The following ESRRG variants were observed in gnomAD, a reference collection of about 807,000 sequenced individuals.
ESRRG encodes estrogen-related receptor gamma.
Under a neutral mutation model 44.0 loss-of-function variants are expected in ESRRG, and 13 were observed. The observed-to-expected ratio is 0.30, with a 90% CI of 0.19 to 0.47. The LOEUF is 0.47. Among genes scored for constraint, ESRRG ranks in the 20% least tolerant of loss-of-function variants. The probability of loss-of-function intolerance (pLI) is 1.00; values close to 1 mark genes in which losing one functional copy is unlikely to be tolerated. For synonymous variants in ESRRG, 215 were observed against 214.6 expected, an observed-to-expected ratio of 1.00 and a Z score of -0.02; for missense variants, 395 against 580.6, an observed-to-expected ratio of 0.68 and a Z score of 3.29.
intron 1 of ESRRG, among the ~76,000 whole-genome samples, chr1:216,975,319 G>C (rs1278910410): frequency 2.0e-5 from 3 of 152,238 alleles, no homozygotes; most frequent in South Asian, 2.1e-4. Context: ...CAATGATCTG[G>C]TCAGATCAAG....
intron 1 of ESRRG, among the ~76,000 whole-genome samples, chr1:217,041,031 C>T (rs778638558): frequency 1.6e-4 from 25 of 152,200 alleles, no homozygotes; most frequent in Non-Finnish European, 2.6e-4. Flanking sequence ...GAACCCTCAA[C>T]AGCTCAGATA....
chr1:216,596,141 C>G (rs2058400122), intron 3 of ESRRG, among the ~76,000 whole-genome samples: 1 of 152,174 alleles, frequency 6.6e-6, no homozygotes, highest in South Asian at 2.1e-4. Flanking sequence ...GATCACTGCT[C>G]TAGTTTTCCC....
chr1:217,073,189 T>G (rs1397478426), intron 1 of ESRRG, among the ~76,000 whole-genome samples: 1 of 120,838 alleles, frequency 8.3e-6, no homozygotes, highest in Non-Finnish European at 1.7e-5. Flanking sequence ...TCTTCATTCC[T>G]TTCTGGACAA....
intron 1 of ESRRG, among the ~76,000 whole-genome samples, chr1:216,712,298 C>T (rs1575628263): frequency 6.6e-6 from 1 of 152,184 alleles, no homozygotes; most frequent in Admixed American, 6.5e-5. Flanking sequence ...GCAAATGCTT[C>T]ATTCCAAGTG....
intron 3 of ESRRG, among the ~76,000 whole-genome samples, chr1:216,602,838 G>C (rs1296512924): frequency 6.6e-6 from 1 of 152,128 alleles, no homozygotes; most frequent in African/African-American, 2.4e-5. Flanking sequence ...AATTAATTTA[G>C]TCTTTAAATT....
intron 3 of ESRRG, among the ~76,000 whole-genome samples, chr1:216,640,645 T>C (rs2066226901): frequency 1.3e-5 from 2 of 152,154 alleles, no homozygotes; most frequent in Admixed American, 1.3e-4. Flanking sequence ...GGAGTAGAAG[T>C]CTGCATAGCC....
chr1:216,811,798 A>G (rs1284185416), intron 2 of ESRRG, among the ~76,000 whole-genome samples: 2 of 152,228 alleles, frequency 1.3e-5, no homozygotes, highest in African/African-American at 2.4e-5. Context: ...ACAGGTGTTT[A>G]ATACAGATAA....
intron 1 of ESRRG, among the ~76,000 whole-genome samples, chr1:217,132,350 C>A (rs775435032): frequency 1.3e-5 from 2 of 152,056 alleles, no homozygotes; most frequent in Non-Finnish European, 2.9e-5. Flanking sequence ...AGAGGAACAA[C>A]TGGGATTGGT....
At chr1:216,779,951 G>A (rs985969874) in intron 2 of ESRRG, among the ~76,000 whole-genome samples, 4 of 151,746 alleles carry the variant, frequency 2.6e-5, no homozygotes, top group African/African-American at 9.7e-5. Flanking sequence ...GTGACTAGCA[G>A]CCAACATGTT....
At chr1:217,121,531 G>T (rs966000882) in intron 1 of ESRRG, among the ~76,000 whole-genome samples, 2 of 152,122 alleles carry the variant, frequency 1.3e-5, no homozygotes, top group Non-Finnish European at 2.9e-5. Flanking sequence ...CATGAACTGA[G>T]ATAAAAACAG....
At chr1:216,509,949 C>G (rs924472785) in intron 6 of ESRRG, among the ~76,000 whole-genome samples, 1 of 152,138 alleles carries the variant, frequency 6.6e-6, no homozygotes, top group Non-Finnish European at 1.5e-5. Context: ...ACACCAGGCT[C>G]AATAGAACTG....
At chr1:217,039,870 T>C (rs2083530196) in intron 1 of ESRRG, among the ~76,000 whole-genome samples, 1 of 147,216 alleles carries the variant, frequency 6.8e-6, no homozygotes, top group African/African-American at 2.4e-5. Context: ...TCCCAGTGCT[T>C]CCCAAATTGT....
At chr1:216,946,840 T>C (rs1232041794) in intron 1 of ESRRG, among the ~76,000 whole-genome samples, 2 of 151,966 alleles carry the variant, frequency 1.3e-5, no homozygotes, top group African/African-American at 4.8e-5. Flanking sequence ...AGCGAGATTA[T>C]AGGCACCTAC....
intron 2 of ESRRG, among the ~76,000 whole-genome samples, chr1:216,774,640 C>A (rs2152407702): frequency 6.6e-6 from 1 of 152,100 alleles, no homozygotes; most frequent in Non-Finnish European, 1.5e-5. Flanking sequence ...AACAAAAAAT[C>A]CTTATAACAT....
intron 3 of ESRRG, among the ~76,000 whole-genome samples, chr1:216,611,552 G>T (rs1191495941): frequency 6.6e-6 from 1 of 152,122 alleles, no homozygotes; most frequent in East Asian, 1.9e-4. Flanking sequence ...TGGAATATCT[G>T]CTGCCAATGA....
At chr1:216,680,214 C>G (rs1392618612) in intron 1 of ESRRG, among the ~76,000 whole-genome samples, 2 of 152,156 alleles carry the variant, frequency 1.3e-5, no homozygotes, top group Non-Finnish European at 2.9e-5. Flanking sequence ...TATTATGTGC[C>G]AGGCACTGAG....
intron 2 of ESRRG, among the ~76,000 whole-genome samples, chr1:216,734,236 C>A (rs1037782992): frequency 1.3e-5 from 2 of 152,188 alleles, no homozygotes; most frequent in African/African-American, 4.8e-5. Flanking sequence ...AGACTCTCAA[C>A]AAATATCTGC....
intron 1 of ESRRG, among the ~76,000 whole-genome samples, chr1:216,996,287 A>C (rs2076365746): frequency 6.6e-6 from 1 of 152,116 alleles, no homozygotes; most frequent in Non-Finnish European, 1.5e-5. Context: ...TTAAAAGGAG[A>C]GTATAAAAAG....
chr1:216,529,396 A>T (rs1463721984), intron 5 of ESRRG, among the ~76,000 whole-genome samples: 1 of 152,174 alleles, frequency 6.6e-6, no homozygotes, highest in African/African-American at 2.4e-5. Context: ...AAATAGAGAT[A>T]TGAGGAGAAA....
Sources: gnomAD v4.1 joint callset for allele counts (sites outside exome capture counted in the v4.1 genomes callset) on GRCh38, gnomAD v4.1.1 for gene constraint, MANE v1.5 for transcripts, NCBI Gene and HGNC (gene_info 2026-07-23, HGNC 2026-07-21) for gene names.